CDC42BPA: variants seen among roughly 807,000 people sequenced by gnomAD.
CDC42BPA encodes CDC42 binding protein kinase alpha.
Under a neutral mutation model 223.5 loss-of-function variants are expected in CDC42BPA, and 80 were observed. The observed-to-expected ratio is 0.36, with a 90% CI of 0.30 to 0.43. The LOEUF (loss-of-function observed/expected upper bound fraction) is 0.43. Ranked by LOEUF, CDC42BPA falls within the 20% of genes least tolerant of loss-of-function variation. CDC42BPA has a pLI of 1.00. For synonymous variants in CDC42BPA, 694 were observed against 718.6 expected (o/e 0.97, Z 0.55); for missense variants, 1,743 against 2,099.9 (o/e 0.83, Z 3.32).
At chr1:227,049,810 A>G (rs1673170520) in intron 22 of CDC42BPA, among the ~76,000 whole-genome samples, 1 of 152,194 alleles carries the variant, frequency 6.6e-6, no homozygotes, top group Admixed American at 6.5e-5. Context: ...ACTTGTTCAC[A>G]TGGGAAAAAG....
intron 24 of CDC42BPA, among the ~76,000 whole-genome samples, chr1:227,038,229 C>A (rs113863763): frequency 0.019 from 2,691 of 141,502 alleles, 36 homozygotes; most frequent in Non-Finnish European, 0.027. Flanking sequence ...TGCTCTCTTG[C>A]CTGCCGACAT....
At chr1:227,310,047 A>C (rs1486911230) in intron 1 of CDC42BPA, among the ~76,000 whole-genome samples, 1 of 152,216 alleles carries the variant, frequency 6.6e-6, no homozygotes. Flanking sequence ...AATTTCTCTC[A>C]AAATTTCTTT....
intron 2 of CDC42BPA, among the ~76,000 whole-genome samples, chr1:227,219,799 C>A (rs1675516032): frequency 1.3e-5 from 2 of 152,078 alleles, no homozygotes; most frequent in African/African-American, 2.4e-5. Context: ...GTAAGCCCAG[C>A]AGAGATATTT....
At chr1:227,273,266 C>T (rs1186682746) in intron 1 of CDC42BPA, among the ~76,000 whole-genome samples, 1 of 151,176 alleles carries the variant, frequency 6.6e-6, no homozygotes. Flanking sequence ...CCACTGCACT[C>T]CAGCCTGGGT....
intron 1 of CDC42BPA, among the ~76,000 whole-genome samples, chr1:227,297,967 T>TATATATACACACACAC (rs369403944): frequency 6.1e-5 from 8 of 132,082 alleles, no homozygotes; most frequent in African/African-American, 2.3e-4. Flanking sequence ...TATATACATA[T>TATATATACACACACAC]ACACACACAC....
intron 23 of CDC42BPA, among the ~76,000 whole-genome samples, chr1:227,042,916 T>C (rs1671682522): frequency 6.6e-6 from 1 of 152,190 alleles, no homozygotes; most frequent in African/African-American, 2.4e-5. Flanking sequence ...TTTTCTGTGT[T>C]GTAGATTTTA....
intron 10 of CDC42BPA, among the ~76,000 whole-genome samples, chr1:227,136,311 T>G (rs1418659554): frequency 6.6e-6 from 1 of 152,076 alleles, no homozygotes; most frequent in Non-Finnish European, 1.5e-5. Context: ...CTAGTGAACC[T>G]GAAGGCAGAT....
intron 16 of CDC42BPA, among the ~76,000 whole-genome samples, chr1:227,088,621 T>C (rs1187792977): frequency 6.6e-6 from 1 of 152,200 alleles, no homozygotes; most frequent in Non-Finnish European, 1.5e-5. Context: ...ATTACAACTT[T>C]TCTTACTGTA....
Position 227,028,987 on chromosome 1 carries a change from T to C in CDC42BPA, c.4102A>G (p.Ser1368Gly). The C allele has an allele frequency of 1.9e-6, 3 of 1,614,116 alleles. No individual in the cohort carries two copies. Among genetic ancestry groups the C allele is most frequent in the Middle Eastern group, 3.3e-4 (2 of 6,062 alleles). ...TTAAATTTTCTGTGACGGGTCTTGC[T>C]CTGAAATAGTTCATAACAGAGGACC... Reference protein sequence around the residue: ...RQVLCYELFQSKTRHRKFKEI... With the variant: ...RQVLCYELFQGKTRHRKFKEI... Residue 1368 changes from serine to glycine, a missense_variant, in exon 30 of 37, where the codon AGC becomes GGC. Coordinates refer to ENST00000366766, the MANE Select transcript of CDC42BPA (RefSeq NM_001394014.1).
chr1:227,211,358 T>C (rs1189607083), intron 3 of CDC42BPA, among the ~76,000 whole-genome samples: 1 of 152,046 alleles, frequency 6.6e-6, no homozygotes, highest in Non-Finnish European at 1.5e-5. Flanking sequence ...AGTACGTCGA[T>C]TTCTCAGAAC....
intron 6 of CDC42BPA, among the ~76,000 whole-genome samples, chr1:227,154,491 C>A (rs932428743): frequency 6.6e-6 from 1 of 151,868 alleles, no homozygotes; most frequent in African/African-American, 2.4e-5. Context: ...AATCTATAAA[C>A]TATTTTAAAC....
Position 227,036,421 on chromosome 1 carries a change from CTTTTTTTT to C in CDC42BPA, c.3200-822_3200-815del, listed in dbSNP as rs56254464. Among the ~76,000 whole-genome samples the C allele has an allele frequency of 3.8e-3, 269 of 71,188 alleles. 1 individual carries two copies. Among genetic ancestry groups the C allele is most frequent in the South Asian group, 0.021 (37 of 1,746 alleles). 46.7% of individuals were successfully genotyped at this position (71,188 alleles called of 152,430 possible). A position where few individuals can be genotyped will look rare whatever the true frequency, so the allele number is the denominator to read the frequency against. Reference sequence around the variant, plus strand: ...AGTCATCACACACAACTTCAATTCACTTTTTTTTTTTTTTTTTTTTTTTTTGAGACGGA... The same window carrying C: ...AGTCATCACACACAACTTCAATTCACTTTTTTTTTTTTTTTTTGAGACGGA... On this transcript the variant is annotated intron_variant, in intron 24 of 36. Transcript: ENST00000366766.
At chr1:227,028,278 A>G (rs1668641931) in intron 30 of CDC42BPA, among the ~76,000 whole-genome samples, 1 of 152,222 alleles carries the variant, frequency 6.6e-6, no homozygotes, top group Non-Finnish European at 1.5e-5. Context: ...ACCTGATTAA[A>G]TAACTCACTT....
At chr1:227,198,121 G>T (rs762260306) in intron 4 of CDC42BPA, among the ~76,000 whole-genome samples, 9 of 152,084 alleles carry the variant, frequency 5.9e-5, no homozygotes, top group Admixed American at 4.6e-4. Flanking sequence ...TACTTGTCAT[G>T]AACTCTGTCA....
chr1:227,046,567 T>A (rs1358540828), intron 23 of CDC42BPA, among the ~76,000 whole-genome samples: 1 of 152,192 alleles, frequency 6.6e-6, no homozygotes, highest in Non-Finnish European at 1.5e-5. Context: ...AATTAACGTA[T>A]TGCTGAGTTG....
intron 5 of CDC42BPA, among the ~76,000 whole-genome samples, chr1:227,172,271 A>C (rs1277018821): frequency 6.6e-6 from 1 of 152,234 alleles, no homozygotes; most frequent in African/African-American, 2.4e-5. Flanking sequence ...AAATTCTGTC[A>C]GTAAACTTTT....
chr1:227,220,289 T>C (rs1172903986), intron 2 of CDC42BPA, among the ~76,000 whole-genome samples: 1 of 89,496 alleles, frequency 1.1e-5, no homozygotes, highest in Non-Finnish European at 2.2e-5. Context: ...ATGTTATATA[T>C]ATATATATAT....
chr1:227,175,646 T>C (rs898841333), intron 5 of CDC42BPA, among the ~76,000 whole-genome samples: 2 of 152,186 alleles, frequency 1.3e-5, no homozygotes, highest in African/African-American at 4.8e-5. Flanking sequence ...CTTTCTATTA[T>C]TATCCCTATT....
chr1:226,995,100 A>G, intron 35 of CDC42BPA, 120 bp from the exon 36 acceptor site: 1 of 817,176 alleles, frequency 1.2e-6, no homozygotes, highest in Non-Finnish European at 1.9e-6. Flanking sequence ...CCTCCCCTGA[A>G]GCGCAGTAAG....
Sources: allele counts gnomAD v4.1 joint callset (sites outside exome capture counted in the v4.1 genomes callset), GRCh38; gene constraint gnomAD v4.1.1; transcripts MANE v1.5; gene names NCBI Gene and HGNC (gene_info 2026-07-23, HGNC 2026-07-21).